Variants in DMD observed in about 807,000 individuals in gnomAD.
DMD encodes dystrophin, also known as mutant dystrophin.
In DMD, 63 loss-of-function variants were observed where a neutral mutation model predicts 330.1. The observed-to-expected ratio is 0.19, with a 90% CI of 0.16 to 0.24. The LOEUF (loss-of-function observed/expected upper bound fraction) is 0.24. DMD is among the 10% of genes least tolerant of loss of function. The pLI is 1.00. For missense variants in DMD, 3,344 were observed against 2,684.1 expected (o/e 1.25, Z -5.43); for synonymous variants, 1,223 against 959.8 (o/e 1.27, Z -5.07).
At chrX:31,506,296 A>G (rs1473801688) in intron 56 of DMD, among the ~76,000 whole-genome samples, 1 of 111,814 alleles carries the variant, frequency 8.9e-6, no homozygotes, top group Non-Finnish European at 1.9e-5. Context: ...CCCTTCTGTA[A>G]TCTTTCTACC....
intron 55 of DMD, among the ~76,000 whole-genome samples, chrX:31,618,679 T>C (rs1252196800): frequency 9.0e-6 from 1 of 111,689 alleles, no homozygotes; most frequent in Non-Finnish European, 1.9e-5. Flanking sequence ...TGCTGACTTT[T>C]CTATATATTC....
At chrX:32,885,650 G>A (rs2084447122) in intron 2 of DMD, among the ~76,000 whole-genome samples, 1 of 110,759 alleles carries the variant, frequency 9.0e-6, no homozygotes, top group Non-Finnish European at 1.9e-5. Context: ...AGATGATGTT[G>A]TTAAATAAAG....
At chrX:33,250,085 T>C (rs1182112415) in intron 1 of DMD, among the ~76,000 whole-genome samples, 2 of 75,434 alleles carry the variant, frequency 2.7e-5, no homozygotes, top group African/African-American at 7.2e-5. Context: ...AAACTATTCA[T>C]TATATATATA....
chrX:32,931,654 T>C (rs1040896640), intron 2 of DMD, among the ~76,000 whole-genome samples: 1 of 111,502 alleles, frequency 9.0e-6, no homozygotes, highest in Non-Finnish European at 1.9e-5. Context: ...AACGTATCAA[T>C]TGATTTAAAG....
At chrX:32,412,289 G>C in intron 29 of DMD, 1 of 843,439 alleles carries the variant, frequency 1.2e-6, no homozygotes, top group Non-Finnish European at 1.6e-6. Flanking sequence ...TTAGAATAGG[G>C]TCATCGTCAT....
intron 9 of DMD, among the ~76,000 whole-genome samples, chrX:32,679,822 T>A (rs1046107756): frequency 1.8e-5 from 2 of 108,283 alleles, no homozygotes; most frequent in Admixed American, 1.0e-4. Flanking sequence ...TTCATTCCCT[T>A]TTCACAGTAT....
chrX:31,755,447 T>C (rs751298892), intron 51 of DMD, among the ~76,000 whole-genome samples: 1 of 112,029 alleles, frequency 8.9e-6, no homozygotes. Context: ...AATATTCTCA[T>C]GTCTCCCTTG....
intron 37 of DMD, among the ~76,000 whole-genome samples, chrX:32,350,955 A>C (rs1185764482): frequency 9.0e-6 from 1 of 110,860 alleles, no homozygotes; most frequent in Non-Finnish European, 1.9e-5. Flanking sequence ...GAAAATGCAT[A>C]GATTGAATCT....
chrX:33,262,986 T>A (rs965449021), intron 1 of DMD, among the ~76,000 whole-genome samples: 1 of 110,595 alleles, frequency 9.0e-6, no homozygotes, highest in Non-Finnish European at 1.9e-5. Context: ...TATAATTTCA[T>A]ACTCATCAAA....
intron 45 of DMD, among the ~76,000 whole-genome samples, chrX:31,941,135 C>G (rs774057847): frequency 8.9e-6 from 1 of 111,747 alleles, no homozygotes; most frequent in African/African-American, 3.3e-5. Context: ...AAACAGGCTT[C>G]GGGAAAATCT....
chrX:31,882,810 A>C (rs762791541), intron 47 of DMD, among the ~76,000 whole-genome samples: 10 of 111,902 alleles, frequency 8.9e-5, no homozygotes, highest in African/African-American at 1.6e-4. Context: ...TAAATGGTTA[A>C]AAGGATAAAG....
chrX:32,403,714 C>A (rs1473942133), intron 30 of DMD, among the ~76,000 whole-genome samples: 1 of 111,690 alleles, frequency 9.0e-6, no homozygotes, highest in East Asian at 2.8e-4. Context: ...AATGTTAGAA[C>A]AGATTCAAAA....
At chrX:31,309,345 A>G (rs1333812889) in intron 62 of DMD, among the ~76,000 whole-genome samples, 7 of 111,680 alleles carry the variant, frequency 6.3e-5, no homozygotes, top group Non-Finnish European at 1.3e-4. Flanking sequence ...AAATAAGGTT[A>G]AAAATTAATT....
At chrX:33,327,265 A>T (rs1399245588) in intron 1 of DMD, among the ~76,000 whole-genome samples, 1 of 111,862 alleles carries the variant, frequency 8.9e-6, no homozygotes, top group East Asian at 2.8e-4. Flanking sequence ...CTAGCCAAGG[A>T]CTAGAAGATA....
chrX:31,827,289 G>A (rs2092914442), intron 49 of DMD, among the ~76,000 whole-genome samples: 1 of 111,629 alleles, frequency 9.0e-6, no homozygotes, highest in East Asian at 2.8e-4. Flanking sequence ...CAGACAAAAT[G>A]GGCTTTAAAG....
At chrX:32,126,282 T>C (rs1279460038) in intron 44 of DMD, among the ~76,000 whole-genome samples, 1 of 112,125 alleles carries the variant, frequency 8.9e-6, no homozygotes, top group Non-Finnish European at 1.9e-5. Flanking sequence ...GCAGTCCAAG[T>C]TGATTAGGTA....
At chrX:31,522,363 C>CTCTCTCTCTCTCTCTCTATATA in intron 55 of DMD, among the ~76,000 whole-genome samples, 19 of 35,960 alleles carry the variant, frequency 5.3e-4, no homozygotes, top group African/African-American at 1.5e-3. Flanking sequence ...CTCTCTCTCT[C>CTCTCTCTCTCTCTCTCTATATA]TATATATATA....
At chrX:32,818,932 C>T (rs2077982034) in intron 5 of DMD, among the ~76,000 whole-genome samples, 1 of 108,925 alleles carries the variant, frequency 9.2e-6, no homozygotes, top group Admixed American at 9.9e-5. Context: ...TTTGAATAAG[C>T]GTGTCATAGG....
chrX:33,268,903 G>T (rs1179733749), intron 1 of DMD, among the ~76,000 whole-genome samples: 2 of 90,350 alleles, frequency 2.2e-5, no homozygotes, highest in Non-Finnish European at 4.1e-5. Flanking sequence ...TCCAGCCTGG[G>T]TGACAAAAAA....
Sources: gnomAD v4.1 joint callset for allele counts (sites outside exome capture counted in the v4.1 genomes callset) on GRCh38, gnomAD v4.1.1 for gene constraint, MANE v1.5 for transcripts, NCBI Gene and HGNC (gene_info 2026-07-23, HGNC 2026-07-21) for gene names.